The following CNTN1 variants were observed in gnomAD, a reference collection of about 807,000 sequenced individuals.
CNTN1 encodes the protein contactin-1.
In CNTN1, 38 loss-of-function variants were observed where a neutral mutation model predicts 126.4. The ratio of observed to expected loss-of-function variants is 0.30; its 90% confidence interval spans 0.23 to 0.39. CNTN1 has a LOEUF of 0.39. CNTN1 is among the 10% of genes least tolerant of loss of function. The pLI, the probability that CNTN1 is intolerant of heterozygous loss-of-function variation, is 1.00. For synonymous variants in CNTN1, 413 were observed against 422.6 expected (o/e 0.98, Z 0.28); for missense variants, 1,009 against 1,248.4 (o/e 0.81, Z 2.89).
At chr12:40,836,893 T>A (rs1389102262) in intron 1 of CNTN1, among the ~76,000 whole-genome samples, 1 of 152,354 alleles carries the variant, frequency 6.6e-6, no homozygotes, top group East Asian at 1.9e-4. Flanking sequence ...TTAAGTTGGA[T>A]GTTACGCTAT....
intron 1 of CNTN1, among the ~76,000 whole-genome samples, chr12:40,811,745 T>C (rs911683155): frequency 1.3e-5 from 2 of 151,886 alleles, no homozygotes; most frequent in Non-Finnish European, 2.9e-5. Flanking sequence ...TCACCTGTTA[T>C]ATCCTTTTTC....
chr12:40,813,265 T>C (rs576811871), intron 1 of CNTN1, among the ~76,000 whole-genome samples: 15 of 150,316 alleles, frequency 1.0e-4, no homozygotes, highest in East Asian at 9.8e-4. Context: ...GTGCAGAACA[T>C]GCAGATTTGT....
intron 1 of CNTN1, among the ~76,000 whole-genome samples, chr12:40,859,698 G>T (rs1390902176): frequency 1.3e-5 from 2 of 152,082 alleles, no homozygotes; most frequent in Non-Finnish European, 2.9e-5. Flanking sequence ...GTCAGGGCAA[G>T]AATTTTGAGA....
Position 40,996,371 on chromosome 12 carries a change from A to G in CNTN1, c.2113+3102A>G, listed in dbSNP as rs992840254. 4.6e-5 allele frequency among the ~76,000 whole-genome samples: 7 copies of G among 152,156 alleles called. No individual in the cohort carries two copies. In the East Asian group the frequency reaches 7.7e-4, roughly 17 times the overall value. On this transcript the variant is annotated intron_variant, in intron 17 of 23. Transcript: ENST00000551295. The stretch of plus-strand genomic sequence containing the variant: ...GATCTTGAACTCCTGGGCTGATGCA[A>G]TCCACCCACCTTGGCCTCCCAAAGT...
chr12:40,737,809 T>C (rs1317419194), intron 1 of CNTN1, among the ~76,000 whole-genome samples: 1 of 151,744 alleles, frequency 6.6e-6, no homozygotes, highest in South Asian at 2.1e-4. Flanking sequence ...ATCTGACAAA[T>C]TAAAAAGATA....
chr12:40,708,825 A>G (rs997662277), intron 1 of CNTN1, among the ~76,000 whole-genome samples: 2 of 152,190 alleles, frequency 1.3e-5, no homozygotes, highest in Non-Finnish European at 2.9e-5. Context: ...CAGTTTTATC[A>G]TGAGATTATA....
intron 15 of CNTN1, chr12:40,972,266 C>G: frequency 4.1e-6 from 4 of 985,220 alleles, no homozygotes; most frequent in Non-Finnish European, 4.8e-6. Context: ...GTGATTTTTA[C>G]TGGGAGGACT....
intron 1 of CNTN1, among the ~76,000 whole-genome samples, chr12:40,868,189 C>T (rs1386424532): frequency 6.6e-6 from 1 of 151,980 alleles, no homozygotes; most frequent in Admixed American, 6.6e-5. Flanking sequence ...ATAAGATCTT[C>T]ACCACCATAA....
intron 1 of CNTN1, among the ~76,000 whole-genome samples, chr12:40,713,792 C>T (rs1176990683): frequency 6.6e-6 from 1 of 152,042 alleles, no homozygotes; most frequent in East Asian, 1.9e-4. Flanking sequence ...AATCCAAAAC[C>T]CCTGTGCATT....
chr12:41,059,672 T>A (rs1949898102), intron 23 of CNTN1, among the ~76,000 whole-genome samples: 1 of 152,050 alleles, frequency 6.6e-6, no homozygotes, highest in African/African-American at 2.4e-5. Context: ...GTAAAATAAA[T>A]GTTGTAATGT....
intron 1 of CNTN1, among the ~76,000 whole-genome samples, chr12:40,749,219 G>T (rs181136375): frequency 5.2e-4 from 79 of 152,132 alleles, no homozygotes; most frequent in Middle Eastern, 3.4e-3. Flanking sequence ...AAGATTTAAG[G>T]TTAATCATTA....
chr12:40,821,964 AC>A (rs1399469540), intron 1 of CNTN1, among the ~76,000 whole-genome samples: 3 of 145,076 alleles, frequency 2.1e-5, no homozygotes, highest in African/African-American at 8.6e-5. Context: ...GTATTCAAAA[AC>A]AAAATCAAAA....
chr12:40,774,105 T>G (rs1478364161), intron 1 of CNTN1, among the ~76,000 whole-genome samples: 3 of 151,588 alleles, frequency 2.0e-5, no homozygotes, highest in Non-Finnish European at 3.0e-5. Context: ...CAAAAACATG[T>G]AATTCCAAAC....
At chr12:40,802,795 A>T (rs1358940089) in intron 1 of CNTN1, among the ~76,000 whole-genome samples, 1 of 151,964 alleles carries the variant, frequency 6.6e-6, no homozygotes, top group Admixed American at 6.6e-5. Flanking sequence ...CTCTCATAAA[A>T]AGCAGATATT....
intron 1 of CNTN1, among the ~76,000 whole-genome samples, chr12:40,713,260 T>G (rs1941969494): frequency 1.3e-5 from 2 of 151,596 alleles, no homozygotes; most frequent in South Asian, 4.2e-4. Context: ...ATAATTGAAG[T>G]GATTTATGTC....
chr12:40,744,264 C>T (rs771205907), intron 1 of CNTN1, among the ~76,000 whole-genome samples: 10 of 150,636 alleles, frequency 6.6e-5, no homozygotes, highest in South Asian at 4.2e-4. Context: ...CAAACTTGCA[C>T]GTCCTGCACA....
intron 1 of CNTN1, among the ~76,000 whole-genome samples, chr12:40,764,465 G>A (rs1268275537): frequency 6.6e-6 from 1 of 152,058 alleles, no homozygotes; most frequent in Non-Finnish European, 1.5e-5. Context: ...TTTTATTGAT[G>A]TTAGGCTCCT....
rs998854511 is a variant in CNTN1, at chr12:40,751,982, G to A, written c.-77+59390G>A. ...CCATTTTTATTATCATTATTTATTC[G>A]TATTTATCTGAGTTCTACTGGAGTG... On this transcript the variant is annotated intron_variant, in intron 1 of 23. Coordinates refer to ENST00000551295, the MANE Select transcript of CNTN1 (RefSeq NM_001843.4). Among the ~76,000 whole-genome samples, 7 of 151,816 alleles carry A rather than the reference G, an allele frequency of 4.6e-5. No homozygotes were observed. In the East Asian group the frequency reaches 5.8e-4, roughly 13 times the overall value.
chr12:40,818,774 T>A (rs980132708), intron 1 of CNTN1, among the ~76,000 whole-genome samples: 3 of 151,706 alleles, frequency 2.0e-5, no homozygotes, highest in African/African-American at 4.9e-5. Context: ...GTTTTCAGCA[T>A]TTTTTCATTA....
Sources: gnomAD v4.1 joint callset for allele counts (sites outside exome capture counted in the v4.1 genomes callset) on GRCh38, gnomAD v4.1.1 for gene constraint, MANE v1.5 for transcripts, NCBI Gene and HGNC (gene_info 2026-07-23, HGNC 2026-07-21) for gene names.